PTPRQ: variants seen among roughly 807,000 people sequenced by gnomAD.
The protein encoded by PTPRQ is protein tyrosine phosphatase receptor type Q.
PTPRQ carries 199 observed loss-of-function variants against 246.0 expected under a neutral mutation model. The observed-to-expected ratio is 0.81, with a 90% CI of 0.72 to 0.91. The LOEUF is 0.91. PTPRQ is among the 40% of genes least tolerant of loss of function. The pLI, the probability that PTPRQ is intolerant of heterozygous loss-of-function variation, is 0.00. For missense variants in PTPRQ, 2,624 were observed against 2,528.4 expected (o/e 1.04, Z -0.81); for synonymous variants, 869 against 853.2 (o/e 1.02, Z -0.32).
chr12:80,495,669 A>T (rs1047223961), intron 12 of PTPRQ, among the ~76,000 whole-genome samples: 1 of 152,076 alleles, frequency 6.6e-6, no homozygotes, highest in African/African-American at 2.4e-5. Context: ...ATAACTCATT[A>T]TTGAAGACTA....
chr12:80,465,646 G>T (rs1448834840), intron 6 of PTPRQ: 6 of 152,202 alleles, frequency 3.9e-5, no homozygotes. Flanking sequence ...ACACCAAAAA[G>T]CTTATCCACC....
At position 80,546,565 on chromosome 12, in the gene PTPRQ, G is replaced by A. The variant is rs776967574; in HGVS notation, c.3883G>A (p.Gly1295Arg). Reference protein sequence around the residue: ...TDTIYYKNISGFKTEAKLVGL... With the variant: ...TDTIYYKNISRFKTEAKLVGL... The stretch of plus-strand genomic sequence containing the variant: ...TTTTTCTGTTTTTCAGAATATATCA[G>A]GATTTAAAACTGAAGCCAAACTTGT... Residue 1295 changes from glycine (G) to arginine (R), a missense_variant, in exon 24 of 45, where the codon GGA becomes AGA. Gly to Arg is a moderately radical substitution (Grantham distance 125). Transcript: ENST00000644991. 2.6e-6 allele frequency: 4 copies of A among 1,546,318 alleles called. No individual in the cohort carries two copies. Among genetic ancestry groups the A allele is most frequent in the Non-Finnish European group, 3.5e-6 (4 of 1,145,576 alleles).
At chr12:80,652,338 T>A (rs1426026399) in intron 37 of PTPRQ, among the ~76,000 whole-genome samples, 2 of 152,132 alleles carry the variant, frequency 1.3e-5, no homozygotes, top group Non-Finnish European at 2.9e-5. Flanking sequence ...TTAATAGGCA[T>A]GAAATCACAC....
At chr12:80,629,769 C>A (rs1443501589) in intron 33 of PTPRQ, among the ~76,000 whole-genome samples, 1 of 152,152 alleles carries the variant, frequency 6.6e-6, no homozygotes, top group Non-Finnish European at 1.5e-5. Flanking sequence ...TACAGGCAGA[C>A]TTGCTAAGTT....
rs1893525737 is a variant in PTPRQ, at chr12:80,468,711, G to T, written c.912G>T (p.Val304=). ...DSTIVRTPES[V]PEGPPQNCVT... ...ATTTATTTTCTATAATTATTTTAGTGCCTGAAGGACCACCACAAAACTGCG... is the reference window on the plus strand; with the variant it reads ...ATTTATTTTCTATAATTATTTTAGTTCCTGAAGGACCACCACAAAACTGCG... The change falls in exon 7 of 45, where the codon GTG becomes GTT. Residue 304 remains valine (V), a splice_region_variant and synonymous_variant. Transcript: ENST00000644991. The T allele has an allele frequency of 1.3e-6, 2 of 1,535,006 alleles. No individual in the cohort carries two copies. The highest frequency in any genetic ancestry group is 1.8e-6 in the Non-Finnish European group (2 of 1,140,808).
intron 26 of PTPRQ, among the ~76,000 whole-genome samples, chr12:80,604,666 T>A (rs918306331): frequency 6.6e-6 from 1 of 151,558 alleles, no homozygotes; most frequent in Non-Finnish European, 1.5e-5. Context: ...TGCTTCTCTA[T>A]CTCTCTGTAG....
intron 8 of PTPRQ, among the ~76,000 whole-genome samples, chr12:80,473,943 G>T (rs1176833363): frequency 6.6e-6 from 1 of 152,196 alleles, no homozygotes; most frequent in Non-Finnish European, 1.5e-5. Context: ...GGGCCTCCTG[G>T]CAACTGGTGG....
intron 17 of PTPRQ, among the ~76,000 whole-genome samples, chr12:80,526,881 T>A (rs1016075898): frequency 2.0e-5 from 3 of 152,004 alleles, no homozygotes; most frequent in African/African-American, 7.2e-5. Context: ...GAAGAAAAAA[T>A]GAAAGAAAAT....
intron 24 of PTPRQ, among the ~76,000 whole-genome samples, chr12:80,548,833 A>G (rs1390172159): frequency 2.0e-5 from 3 of 152,118 alleles, no homozygotes; most frequent in Non-Finnish European, 4.4e-5. Flanking sequence ...GACCAGGCCT[A>G]CCAGATATAG....
chr12:80,596,959 C>A (rs1897989545), intron 26 of PTPRQ, among the ~76,000 whole-genome samples: 1 of 151,922 alleles, frequency 6.6e-6, no homozygotes, highest in Admixed American at 6.6e-5. Flanking sequence ...AACATTGATT[C>A]ATTCATAAGT....
intron 42 of PTPRQ, among the ~76,000 whole-genome samples, chr12:80,672,875 A>G (rs1022093037): frequency 6.6e-6 from 1 of 152,026 alleles, no homozygotes; most frequent in South Asian, 2.1e-4. Flanking sequence ...TTTTAAAAAA[A>G]TCTCTATACT....
chr12:80,446,842 C>T (rs1047702793), intron 3 of PTPRQ, among the ~76,000 whole-genome samples: 3 of 151,940 alleles, frequency 2.0e-5, no homozygotes, highest in Non-Finnish European at 4.4e-5. Context: ...AGGTTGATTC[C>T]ATGACCTTGC....
intron 43 of PTPRQ, among the ~76,000 whole-genome samples, chr12:80,675,132 A>G (rs1028541698): frequency 2.6e-5 from 4 of 152,134 alleles, no homozygotes; most frequent in Admixed American, 2.6e-4. Flanking sequence ...CAGAAATGGA[A>G]TATTATACAT....
In PTPRQ at chr12:80,595,595, A is replaced by G. The variant is rs1897942659; in HGVS notation, c.4609+7143A>G. ...TTATTATTATTATACTTTAAGTTTT[A>G]GGGTACATGTGCACAATGTGCAGGT... On this transcript the variant is annotated intron_variant, in intron 26 of 44. Coordinates refer to ENST00000644991, the MANE Select transcript of PTPRQ (RefSeq NM_001145026.2). Among the ~76,000 whole-genome samples, 6 of 152,116 alleles carry G rather than the reference A, an allele frequency of 3.9e-5. No individual in the cohort carries two copies. In the South Asian group the frequency reaches 1.2e-3, roughly 32 times the overall value.
Position 80,564,739 on chromosome 12 carries a change from T to C in PTPRQ, c.4285+15005T>C, listed in dbSNP as rs2120931553. Among the ~76,000 whole-genome samples the C allele has an allele frequency of 1.3e-5, 2 of 152,322 alleles. 1 individual carries two copies. The highest frequency in any genetic ancestry group is 4.1e-4 in the South Asian group (2 of 4,832). On this transcript the variant is annotated intron_variant, in intron 25 of 44. Coordinates refer to ENST00000644991, the MANE Select transcript of PTPRQ (RefSeq NM_001145026.2). ...AAGTGTTTGTTGAGTTTTCTACAAT[T>C]AATTATTTGCAAAACTATTACTAGT... is the stretch of plus-strand genomic sequence containing the variant.
chr12:80,586,398 A>G (rs1897620609), intron 25 of PTPRQ, among the ~76,000 whole-genome samples: 1 of 151,228 alleles, frequency 6.6e-6, no homozygotes, highest in Non-Finnish European at 1.5e-5. Context: ...AGGAAACAAC[A>G]GGTGCTGGAG....
chr12:80,554,498 A>G (rs1171123930), intron 25 of PTPRQ, among the ~76,000 whole-genome samples: 1 of 152,210 alleles, frequency 6.6e-6, no homozygotes, highest in Non-Finnish European at 1.5e-5. Context: ...AAGCTCCATA[A>G]TTTAGAATCA....
intron 25 of PTPRQ, among the ~76,000 whole-genome samples, chr12:80,568,187 A>G (rs1009897103): frequency 2.0e-4 from 30 of 152,220 alleles, no homozygotes; most frequent in African/African-American, 6.8e-4. Context: ...TCAAGTGTCA[A>G]TTATAAATGT....
At chr12:80,523,462 G>A (rs1895576275) in intron 17 of PTPRQ, among the ~76,000 whole-genome samples, 1 of 152,114 alleles carries the variant, frequency 6.6e-6, no homozygotes, top group South Asian at 2.1e-4. Flanking sequence ...ATGTTAGGGT[G>A]TCAATTTTAG....
Sources: gnomAD v4.1 joint callset for allele counts (sites outside exome capture counted in the v4.1 genomes callset) on GRCh38, gnomAD v4.1.1 for gene constraint, MANE v1.5 for transcripts, NCBI Gene and HGNC (gene_info 2026-07-23, HGNC 2026-07-21) for gene names.